The following DMD variants were observed in gnomAD, a reference collection of about 807,000 sequenced individuals.
DMD encodes the protein mutant dystrophin.
DMD carries 63 observed loss-of-function variants against 330.1 expected under a neutral mutation model. The ratio of observed to expected loss-of-function variants is 0.19; its 90% CI spans 0.16 to 0.24. The LOEUF is 0.24. Among genes scored for constraint, DMD ranks in the 10% least tolerant of loss-of-function variants. The pLI is 1.00. For missense variants in DMD, 3,344 were observed against 2,684.1 expected, an observed-to-expected ratio of 1.25 and a Z score of -5.43; for synonymous variants, 1,223 against 959.8, an observed-to-expected ratio of 1.27 and a Z score of -5.07.
intron 30 of DMD, among the ~76,000 whole-genome samples, chrX:32,408,912 C>T (rs936961310): frequency 3.7e-5 from 4 of 108,815 alleles, no homozygotes; most frequent in East Asian, 2.9e-4. Context: ...ATCTATCTAT[C>T]CATCCATCAA....
intron 17 of DMD, among the ~76,000 whole-genome samples, chrX:32,538,237 G>T (rs920469897): frequency 8.9e-6 from 1 of 112,097 alleles, no homozygotes; most frequent in Non-Finnish European, 1.9e-5. Context: ...TGAAGCAACT[G>T]AAGAATCACA....
At chrX:31,602,927 G>T (rs773890159) in intron 55 of DMD, among the ~76,000 whole-genome samples, 45 of 111,728 alleles carry the variant, frequency 4.0e-4, no homozygotes, top group African/African-American at 1.3e-3. Flanking sequence ...ATACATTCAC[G>T]CTCCAGCCAT....
rs1261123532 is a variant in DMD, at chrX:31,955,409, G to A, written c.6614+12930C>T. 2.7e-5 allele frequency among the ~76,000 whole-genome samples: 3 copies of A among 111,934 alleles called. No homozygotes were observed. The East Asian group carries it at 8.4e-4, about 31-fold the overall frequency. On this transcript the variant is annotated intron_variant, in intron 45 of 78. Coordinates refer to ENST00000357033, the MANE Select transcript of DMD (RefSeq NM_004006.3). ...AATAAGGGAAAAGGCACAGATCTGG[G>A]TCTAAATCACTGACTTTTAGTTCTC... is the stretch of plus-strand genomic sequence containing the variant.
At chrX:33,239,186 G>T (rs1206089700) in intron 1 of DMD, among the ~76,000 whole-genome samples, 2 of 104,409 alleles carry the variant, frequency 1.9e-5, no homozygotes, top group Non-Finnish European at 3.9e-5. Context: ...GAACCCCGGA[G>T]GTGGAGGTTG....
chrX:31,439,693 G>C (rs2064791932), intron 60 of DMD, among the ~76,000 whole-genome samples: 1 of 111,932 alleles, frequency 8.9e-6, no homozygotes, highest in Non-Finnish European at 1.9e-5. Flanking sequence ...GTTTACTCAT[G>C]AGTAAAGAAA....
intron 1 of DMD, among the ~76,000 whole-genome samples, chrX:33,226,839 AAGTT>A (rs985661267): frequency 9.1e-6 from 1 of 109,793 alleles, no homozygotes; most frequent in Non-Finnish European, 1.9e-5. Flanking sequence ...CTATGAGCCA[AAGTT>A]TACAGACTCC....
chrX:32,503,613 TGG>T lies in DMD; in HGVS notation c.2293-1773_2293-1772del, dbSNP rs1491155567. On this transcript the variant is annotated intron_variant, in intron 18 of 78. Transcript: ENST00000357033. Reference sequence around the variant, plus strand: ...CTCTGTCGCCCAGGCTGGAGTGCAGTGGCATGATCTCAGCTCACTGCAACCTC... The same window carrying T: ...CTCTGTCGCCCAGGCTGGAGTGCAGTCATGATCTCAGCTCACTGCAACCTC... Among the ~76,000 whole-genome samples, 10 of 111,524 alleles carry T rather than the reference TGG, an allele frequency of 9.0e-5. 1 individual carries two copies. Among genetic ancestry groups the T allele is most frequent in the African/African-American group, 3.3e-4 (10 of 30,659 alleles).
intron 60 of DMD, among the ~76,000 whole-genome samples, chrX:31,377,757 C>A (rs777513519): frequency 1.5e-4 from 17 of 111,940 alleles, no homozygotes; most frequent in African/African-American, 4.9e-4. Flanking sequence ...GCCATCATAT[C>A]CCCTGTGACC....
At chrX:32,753,665 G>C (rs887346312) in intron 7 of DMD, among the ~76,000 whole-genome samples, 1 of 112,113 alleles carries the variant, frequency 8.9e-6, no homozygotes, top group Non-Finnish European at 1.9e-5. Flanking sequence ...GAGCAAAGGA[G>C]TGTGAAACCA....
At chrX:32,102,671 A>G (rs888660270) in intron 44 of DMD, among the ~76,000 whole-genome samples, 3 of 111,728 alleles carry the variant, frequency 2.7e-5, no homozygotes, top group Admixed American at 9.5e-5. Context: ...AACAGTTGAT[A>G]TGAAACACGA....
intron 45 of DMD, among the ~76,000 whole-genome samples, chrX:31,951,177 A>ATATATATATATATATATG (rs1569521343): frequency 2.8e-4 from 25 of 90,364 alleles, no homozygotes; most frequent in African/African-American, 1.0e-3. Flanking sequence ...ATATATATGT[A>ATATATATATATATATATG]TATATATATA....
chrX:31,914,793 T>C (rs1190650305), intron 47 of DMD, among the ~76,000 whole-genome samples: 2 of 111,751 alleles, frequency 1.8e-5, no homozygotes, highest in East Asian at 2.8e-4. Context: ...AAAAAATACT[T>C]AGGAAAAATG....
At chrX:32,371,953 G>A (rs1214075937) in intron 34 of DMD, among the ~76,000 whole-genome samples, 1 of 111,359 alleles carries the variant, frequency 9.0e-6, no homozygotes, top group African/African-American at 3.3e-5. Context: ...TTGTGAATAA[G>A]TAGCTTTTTG....
chrX:31,842,821 T>C (rs1237479021), intron 48 of DMD, among the ~76,000 whole-genome samples: 1 of 111,749 alleles, frequency 8.9e-6, no homozygotes, highest in African/African-American at 3.3e-5. Flanking sequence ...ATCCTGTCAC[T>C]GAGATAGTGC....
chrX:31,373,789 G>A (rs767761392), intron 60 of DMD, among the ~76,000 whole-genome samples: 1 of 110,069 alleles, frequency 9.1e-6, no homozygotes, highest in Non-Finnish European at 1.9e-5. Flanking sequence ...AACACCAAAA[G>A]CAATGGCAAC....
At chrX:31,336,570 C>T (rs961550718) in intron 61 of DMD, among the ~76,000 whole-genome samples, 1 of 112,422 alleles carries the variant, frequency 8.9e-6, no homozygotes, top group African/African-American at 3.2e-5. Flanking sequence ...GCCAATAGTG[C>T]CCAGGTCAAG....
intron 2 of DMD, among the ~76,000 whole-genome samples, chrX:32,859,273 G>A (rs2081867943): frequency 9.1e-6 from 1 of 110,234 alleles, no homozygotes; most frequent in South Asian, 3.9e-4. Context: ...TTCGAGACCA[G>A]CCTGGCCAAC....
At chrX:33,015,595 T>C (rs903107340) in intron 2 of DMD, among the ~76,000 whole-genome samples, 1 of 110,234 alleles carries the variant, frequency 9.1e-6, no homozygotes, top group Admixed American at 9.8e-5. Context: ...TGAAATAATC[T>C]GTACAACCAA....
intron 62 of DMD, among the ~76,000 whole-genome samples, chrX:31,303,699 G>T (rs1019488615): frequency 9.0e-6 from 1 of 111,491 alleles, no homozygotes; most frequent in Non-Finnish European, 1.9e-5. Flanking sequence ...CAATTCATTT[G>T]CATCAGCCAG....
Sources: allele counts gnomAD v4.1 joint callset (sites outside exome capture counted in the v4.1 genomes callset), GRCh38; gene constraint gnomAD v4.1.1; transcripts MANE v1.5; gene names NCBI Gene and HGNC (gene_info 2026-07-23, HGNC 2026-07-21).